SPPL3: variants seen among roughly 807,000 people sequenced by gnomAD.
SPPL3 encodes signal peptide peptidase like 3.
A neutral mutation model predicts 42.4 loss-of-function variants in SPPL3; 5 were observed. The observed-to-expected ratio is 0.12, with a 90% CI of 0.06 to 0.25. The LOEUF is 0.25. Among genes scored for constraint, SPPL3 ranks in the 10% least tolerant of loss-of-function variants. The probability of loss-of-function intolerance (pLI) is 1.00; values close to 1 mark genes in which losing one functional copy is unlikely to be tolerated. For synonymous variants in SPPL3, 195 were observed against 181.8 expected, an observed-to-expected ratio of 1.07 and a Z score of -0.58; for missense variants, 235 against 489.0, an observed-to-expected ratio of 0.48 and a Z score of 4.90.
At chr12:120,893,382 ATT>A (rs766876932) in intron 1 of SPPL3, among the ~76,000 whole-genome samples, 12 of 151,760 alleles carry the variant, frequency 7.9e-5, no homozygotes, top group Non-Finnish European at 1.6e-4. Flanking sequence ...AAAAATATAT[ATT>A]TTTTTCCGAG....
chr12:120,836,928 G>C (rs1170414255), intron 1 of SPPL3, among the ~76,000 whole-genome samples: 1 of 152,106 alleles, frequency 6.6e-6, no homozygotes, highest in Admixed American at 6.6e-5. Context: ...GTGTTGTTAA[G>C]AGTTTTACAA....
intron 1 of SPPL3, among the ~76,000 whole-genome samples, chr12:120,879,463 C>T (rs1352740057): frequency 1.3e-5 from 2 of 152,070 alleles, no homozygotes; most frequent in African/African-American, 4.8e-5. Context: ...GAGAACTGTT[C>T]CAGGTATTGT....
intron 1 of SPPL3, among the ~76,000 whole-genome samples, chr12:120,849,878 G>A (rs139380099): frequency 2.6e-5 from 4 of 152,212 alleles, no homozygotes; most frequent in South Asian, 2.1e-4. Context: ...TAATTCTAGC[G>A]TGAAGTATTT....
rs962262099 is a variant in SPPL3, at chr12:120,904,218, T to A, written c.-351A>T. The A allele has an allele frequency of 4.7e-6, 1 of 210,940 alleles. No individual in the cohort carries two copies. The highest frequency in any genetic ancestry group is 2.5e-5 in the African/African-American group (1 of 39,856). 13.1% of individuals were successfully genotyped at this position (210,940 alleles called of 1,614,324 possible). A position where few individuals can be genotyped will look rare whatever the true frequency, so the allele number is the denominator to read the frequency against. On this transcript the variant is annotated 5_prime_UTR_variant, in exon 1 of 11. Transcript: ENST00000353487. ...AACGGCAAGACGGGCCCGCGCTCAC[T>A]GCGCGCGGGGCCGCGGGAGCGCCGC...
chr12:120,841,813 A>G (rs1871842179), intron 1 of SPPL3, among the ~76,000 whole-genome samples: 1 of 152,208 alleles, frequency 6.6e-6, no homozygotes, highest in Admixed American at 6.5e-5. Context: ...TTGGTCAGAG[A>G]GGCTCAATAT....
chr12:120,852,788 CAT>C (rs1369504566), intron 1 of SPPL3, among the ~76,000 whole-genome samples: 1 of 123,888 alleles, frequency 8.1e-6, no homozygotes, highest in Non-Finnish European at 1.7e-5. Flanking sequence ...AAATATATTT[CAT>C]ATATCATATA....
rs559527426 is a variant in SPPL3 at position 120,763,284 on chromosome 12, T to C, written c.*1715A>G. 10 of 152,704 alleles carry C rather than the reference T, an allele frequency of 6.5e-5. No homozygotes were observed. The highest frequency in any genetic ancestry group is 5.9e-5 in the Non-Finnish European group (4 of 68,068). The allele number at this position is 152,704 out of a possible 1,614,324, so 9.5% of individuals were successfully genotyped here. ...AACCCCAGAAACCCCTCAGCAGGAATTGATGACAACAACAGAGGAATCCAA... is the reference window on the plus strand; with the variant it reads ...AACCCCAGAAACCCCTCAGCAGGAACTGATGACAACAACAGAGGAATCCAA... On this transcript the variant is annotated 3_prime_UTR_variant, in exon 11 of 11. Coordinates refer to ENST00000353487, the MANE Select transcript of SPPL3 (RefSeq NM_139015.5).
chr12:120,799,070 G>A (rs1035796737), intron 2 of SPPL3, among the ~76,000 whole-genome samples: 1 of 152,134 alleles, frequency 6.6e-6, no homozygotes, highest in Non-Finnish European at 1.5e-5. Flanking sequence ...AAATACAGCT[G>A]CTCCTTGACT....
intron 1 of SPPL3, among the ~76,000 whole-genome samples, chr12:120,894,622 C>T (rs1873744579): frequency 6.6e-6 from 1 of 152,116 alleles, no homozygotes; most frequent in Non-Finnish European, 1.5e-5. Flanking sequence ...AGTGGGTGTG[C>T]CTGTCAGGCA....
At chr12:120,770,959 C>T (rs1869097249) in intron 6 of SPPL3, among the ~76,000 whole-genome samples, 1 of 152,206 alleles carries the variant, frequency 6.6e-6, no homozygotes, top group Non-Finnish European at 1.5e-5. Context: ...AGCATTTACT[C>T]TTTGCTTCCA....
intron 1 of SPPL3, among the ~76,000 whole-genome samples, chr12:120,860,383 ATACT>A (rs1249058271): frequency 1.3e-5 from 2 of 152,238 alleles, no homozygotes; most frequent in South Asian, 2.1e-4. Context: ...ATCAATAAAA[ATACT>A]TACAGGAAAG....
chr12:120,903,901 T>C lies in SPPL3; in HGVS notation c.-34A>G. The C allele has an allele frequency of 7.4e-7, 1 of 1,352,918 alleles. No individual in the cohort carries two copies. The highest frequency in any genetic ancestry group is 9.5e-7 in the Non-Finnish European group (1 of 1,054,018). 83.8% of individuals were successfully genotyped at this position (1,352,918 alleles called of 1,614,324 possible). A position where few individuals can be genotyped will look rare whatever the true frequency, so the allele number is the denominator to read the frequency against. Reference sequence around the variant, plus strand: ...CTCTCGTGGGCTCCGCTGCAGGCTGTGGCCGGGCCCGGCGGCGGCGGGCTC... The same window carrying C: ...CTCTCGTGGGCTCCGCTGCAGGCTGCGGCCGGGCCCGGCGGCGGCGGGCTC... On this transcript the variant is annotated 5_prime_UTR_variant, in exon 1 of 11. Coordinates refer to ENST00000353487, the MANE Select transcript of SPPL3 (RefSeq NM_139015.5).
intron 1 of SPPL3, among the ~76,000 whole-genome samples, chr12:120,848,869 T>G (rs183669767): frequency 1.6e-4 from 25 of 152,148 alleles, no homozygotes; most frequent in African/African-American, 5.3e-4. Context: ...CACTTTAGTG[T>G]AATAACACTA....
chr12:120,890,588 C>CA (rs34253596), intron 1 of SPPL3, among the ~76,000 whole-genome samples: 4,163 of 91,182 alleles, frequency 0.046, 95 homozygotes, highest in South Asian at 0.066. Flanking sequence ...GACTCCGTCT[C>CA]AAAAAAAAAA....
Position 120,768,840 on chromosome 12 carries a change from G to A in SPPL3, c.609+113C>T, listed in dbSNP as rs974923854. ...TACAGTTAAGGACTGGAGAGAGAGT[G>A]ATCAGCAGCTGGGCAAGCCCGACTT... On this transcript the variant is annotated intron_variant, in intron 7 of 10. Coordinates refer to ENST00000353487, the MANE Select transcript of SPPL3 (RefSeq NM_139015.5). 3 of 864,434 alleles carry A rather than the reference G, an allele frequency of 3.5e-6. No individual in the cohort carries two copies. In the African/African-American group the frequency reaches 5.1e-5, roughly 15 times the overall value. The allele number at this position is 864,434 out of a possible 1,614,324, so 53.5% of individuals were successfully genotyped here. A position where few individuals can be genotyped will look rare whatever the true frequency, so the allele number is the denominator to read the frequency against.
intron 1 of SPPL3, among the ~76,000 whole-genome samples, chr12:120,818,547 C>T (rs563835955): frequency 6.6e-6 from 1 of 152,302 alleles, no homozygotes; most frequent in East Asian, 1.9e-4. Flanking sequence ...ACATATCCTG[C>T]TAAAAATCAT....
chr12:120,773,932 A>G (rs1215414173), intron 6 of SPPL3, among the ~76,000 whole-genome samples: 1 of 152,188 alleles, frequency 6.6e-6, no homozygotes, highest in Non-Finnish European at 1.5e-5. Flanking sequence ...TCAATTTGCC[A>G]TAGAATCACT....
At chr12:120,815,835 TCTC>T (rs1053927230) in intron 1 of SPPL3, among the ~76,000 whole-genome samples, 1 of 152,128 alleles carries the variant, frequency 6.6e-6, no homozygotes, top group East Asian at 1.9e-4. Context: ...CAAGCAAAAT[TCTC>T]CTGCCTCAGC....
At chr12:120,821,220 CAGAAA>C in intron 1 of SPPL3, among the ~76,000 whole-genome samples, 1 of 152,244 alleles carries the variant, frequency 6.6e-6, no homozygotes, top group South Asian at 2.1e-4. Context: ...GGGATTGAAA[CAGAAA>C]GAAGACCCCA....
Sources: gnomAD v4.1 joint callset for allele counts (sites outside exome capture counted in the v4.1 genomes callset) on GRCh38, gnomAD v4.1.1 for gene constraint, MANE v1.5 for transcripts, NCBI Gene and HGNC (gene_info 2026-07-23, HGNC 2026-07-21) for gene names.